The following FRMD4A variants were observed in gnomAD, a reference collection of about 807,000 sequenced individuals.
FRMD4A encodes FERM domain containing 4A, also known as FERM domain-containing protein 4A.
In FRMD4A, 29 loss-of-function variants were observed where a neutral mutation model predicts 129.1. That is an observed-to-expected ratio of 0.22 (90% CI 0.17 to 0.31). The LOEUF (loss-of-function observed/expected upper bound fraction) is 0.31. Among genes scored for constraint, FRMD4A ranks in the 10% least tolerant of loss-of-function variants. The probability of loss-of-function intolerance (pLI) is 1.00; values close to 1 mark genes in which losing one functional copy is unlikely to be tolerated. For missense variants in FRMD4A, 1,272 were observed against 1,375.8 expected (o/e 0.92, Z 1.19); for synonymous variants, 634 against 571.6 (o/e 1.11, Z -1.56).
rs7082114 is a variant in FRMD4A, at chr10:14,044,827, C to T, written c.46-185915G>A. 2.7e-3 allele frequency among the ~76,000 whole-genome samples: 410 copies of T among 152,340 alleles called. 3 individuals carry two copies. The highest frequency in any genetic ancestry group is 9.3e-3 in the African/African-American group (387 of 41,564). On this transcript the variant is annotated intron_variant, in intron 2 of 24. Coordinates refer to ENST00000357447, the MANE Select transcript of FRMD4A (RefSeq NM_018027.5). ...CATAGAACATTGTTTTCAACCACAA[C>T]ACTGCTCTGCTGAAGAATATCCAAT... is the stretch of plus-strand genomic sequence containing the variant.
intron 2 of FRMD4A, among the ~76,000 whole-genome samples, chr10:14,226,773 G>A (rs982651461): frequency 2.0e-5 from 3 of 152,260 alleles, no homozygotes; most frequent in Middle Eastern, 3.4e-3. Flanking sequence ...TCCACCTCAC[G>A]AGGGTCTCTC....
At chr10:14,135,331 C>T (rs1305821968) in intron 2 of FRMD4A, among the ~76,000 whole-genome samples, 1 of 152,222 alleles carries the variant, frequency 6.6e-6, no homozygotes, top group East Asian at 1.9e-4. Flanking sequence ...AGCCCTACTT[C>T]AACCACTCGT....
At chr10:14,298,391 G>T (rs1207264820) in intron 2 of FRMD4A, among the ~76,000 whole-genome samples, 1 of 152,092 alleles carries the variant, frequency 6.6e-6, no homozygotes, top group Admixed American at 6.5e-5. Context: ...TGGAAGAAAA[G>T]CACAATGAAA....
At chr10:14,177,855 G>A (rs1186263552) in intron 2 of FRMD4A, among the ~76,000 whole-genome samples, 2 of 152,164 alleles carry the variant, frequency 1.3e-5, no homozygotes, top group Admixed American at 6.5e-5. Context: ...GCCTGGGGTT[G>A]TTCACCATAT....
At chr10:14,133,874 C>T (rs188368585) in intron 2 of FRMD4A, among the ~76,000 whole-genome samples, 1 of 152,266 alleles carries the variant, frequency 6.6e-6, no homozygotes, top group Non-Finnish European at 1.5e-5. Context: ...GTTAGTCTCA[C>T]CTATGATGAA....
At chr10:14,061,915 T>C (rs1834833980) in intron 2 of FRMD4A, among the ~76,000 whole-genome samples, 1 of 152,222 alleles carries the variant, frequency 6.6e-6, no homozygotes, top group South Asian at 2.1e-4. Flanking sequence ...ACTTCCAAAA[T>C]CTTGTTATGT....
intron 2 of FRMD4A, among the ~76,000 whole-genome samples, chr10:14,155,009 G>A (rs1007402210): frequency 6.6e-6 from 1 of 152,196 alleles, no homozygotes; most frequent in African/African-American, 2.4e-5. Flanking sequence ...GATTATTGTG[G>A]ACTGCATGTG....
intron 2 of FRMD4A, among the ~76,000 whole-genome samples, chr10:14,093,677 A>G (rs1232956078): frequency 7.2e-6 from 1 of 137,988 alleles, no homozygotes; most frequent in Non-Finnish European, 1.6e-5. Context: ...TATTATGAAT[A>G]AAATTATCAG....
intron 2 of FRMD4A, among the ~76,000 whole-genome samples, chr10:14,224,531 C>T (rs892984992): frequency 6.6e-6 from 1 of 152,206 alleles, no homozygotes; most frequent in African/African-American, 2.4e-5. Context: ...ACCAGGGAAG[C>T]ATTTTGGACA....
intron 4 of FRMD4A, among the ~76,000 whole-genome samples, chr10:13,804,714 C>CTTTTTTTTTTTTTTTTTTTT (rs35111872): frequency 7.8e-6 from 1 of 127,740 alleles, no homozygotes. Context: ...CCAGCTAATT[C>CTTTTTTTTTTTTTTTTTTTT]TTTTTTTTTT....
intron 2 of FRMD4A, among the ~76,000 whole-genome samples, chr10:13,967,494 T>C (rs1289754053): frequency 2.0e-5 from 3 of 152,116 alleles, no homozygotes; most frequent in South Asian, 2.1e-4. Flanking sequence ...AACTTACTCA[T>C]GTAACTAACA....
chr10:13,907,145 AAAATT>A (rs920435650), intron 2 of FRMD4A, among the ~76,000 whole-genome samples: 1 of 152,216 alleles, frequency 6.6e-6, no homozygotes, highest in African/African-American at 2.4e-5. Flanking sequence ...AGTTAGAACT[AAAATT>A]ATATTTTACA....
At chr10:14,055,966 G>A (rs535268389) in intron 2 of FRMD4A, among the ~76,000 whole-genome samples, 2 of 151,876 alleles carry the variant, frequency 1.3e-5, no homozygotes, top group African/African-American at 2.4e-5. Flanking sequence ...ACGGAGTCTC[G>A]CTCTTTCGCC....
At chr10:13,862,541 T>A (rs2094308859) in intron 2 of FRMD4A, among the ~76,000 whole-genome samples, 2 of 152,232 alleles carry the variant, frequency 1.3e-5, no homozygotes, top group Admixed American at 6.5e-5. Flanking sequence ...TCTTCCAATT[T>A]CTTTCCTCTT....
intron 2 of FRMD4A, among the ~76,000 whole-genome samples, chr10:13,881,889 G>C (rs999049404): frequency 6.6e-6 from 1 of 151,360 alleles, no homozygotes. Context: ...GAGTAGGTGC[G>C]TCCCAGGCAG....
At chr10:13,764,481 G>C (rs905895633) in intron 6 of FRMD4A, among the ~76,000 whole-genome samples, 1 of 150,346 alleles carries the variant, frequency 6.7e-6, no homozygotes, top group Non-Finnish European at 1.5e-5. Flanking sequence ...ACTCCAGCCT[G>C]GTGACAGAGA....
chr10:14,001,384 C>T (rs1342151544), intron 2 of FRMD4A, among the ~76,000 whole-genome samples: 2 of 152,208 alleles, frequency 1.3e-5, no homozygotes, highest in African/African-American at 2.4e-5. Context: ...CAGTTTCAGG[C>T]CCAGCCTGAG....
chr10:13,870,231 G>C lies in FRMD4A; in HGVS notation c.46-11319C>G, dbSNP rs554945928. Among the ~76,000 whole-genome samples the C allele has an allele frequency of 2.5e-3, 379 of 152,368 alleles. 1 individual carries two copies. Among genetic ancestry groups the C allele is most frequent in the African/African-American group, 8.8e-3 (364 of 41,592 alleles). ...CAGTCCTGCTGTGGGTGCAGAGTGAGATTCTTCCTTCTTTACATATTGCTG... is the reference window on the plus strand; with the variant it reads ...CAGTCCTGCTGTGGGTGCAGAGTGACATTCTTCCTTCTTTACATATTGCTG... On this transcript the variant is annotated intron_variant, in intron 2 of 24. Transcript: ENST00000357447.
At chr10:14,055,457 ACACAAACACACACACAC>A (rs1834472770) in intron 2 of FRMD4A, among the ~76,000 whole-genome samples, 19 of 105,390 alleles carry the variant, frequency 1.8e-4, no homozygotes, top group African/African-American at 8.5e-4. Flanking sequence ...ACACACACAC[ACACAAACACACACACAC>A]ACACACACAC....
Sources: gnomAD v4.1 joint callset for allele counts (sites outside exome capture counted in the v4.1 genomes callset) on GRCh38, gnomAD v4.1.1 for gene constraint, MANE v1.5 for transcripts, NCBI Gene and HGNC (gene_info 2026-07-23, HGNC 2026-07-21) for gene names.